ADGRV1: variants seen among roughly 807,000 people sequenced by gnomAD.
ADGRV1 encodes the protein adhesion G protein-coupled receptor V1.
ADGRV1 carries 359 observed loss-of-function variants against 596.2 expected under a neutral mutation model. The ratio of observed to expected loss-of-function variants is 0.60; its 90% CI spans 0.55 to 0.66. ADGRV1 has a LOEUF of 0.66. Ranked by LOEUF, ADGRV1 falls within the 30% of genes least tolerant of loss-of-function variation. The probability of loss-of-function intolerance (pLI) is 0.00; values close to 1 mark genes in which losing one functional copy is unlikely to be tolerated. For missense variants in ADGRV1, 7,274 were observed against 7,575.6 expected, an observed-to-expected ratio of 0.96 and a Z score of 1.48; for synonymous variants, 2,681 against 2,679.2, an observed-to-expected ratio of 1.00 and a Z score of -0.02.
chr5:91,006,350 A>G (rs942401435), intron 85 of ADGRV1, among the ~76,000 whole-genome samples: 31 of 152,208 alleles, frequency 2.0e-4, no homozygotes, highest in African/African-American at 7.5e-4. Context: ...AATTAGATAC[A>G]AAAATGAATA....
chr5:90,740,890 G>A (rs1753879087), intron 50 of ADGRV1, among the ~76,000 whole-genome samples: 2 of 152,314 alleles, frequency 1.3e-5, no homozygotes, highest in Non-Finnish European at 2.9e-5. Context: ...TAGTCAAAGA[G>A]AAACTGTTCC....
chr5:91,072,859 A>T (rs1428704565), intron 86 of ADGRV1, among the ~76,000 whole-genome samples: 1 of 152,184 alleles, frequency 6.6e-6, no homozygotes, highest in Non-Finnish European at 1.5e-5. Context: ...AATGAGTCGC[A>T]GCCTTGGGAG....
At chr5:90,907,665 G>T (rs554794979) in intron 83 of ADGRV1, among the ~76,000 whole-genome samples, 33 of 152,002 alleles carry the variant, frequency 2.2e-4, no homozygotes, top group South Asian at 4.2e-4. Context: ...AACCTCAAAT[G>T]GCTGGGCATT....
chr5:90,766,188 C>A (rs1258357552), intron 59 of ADGRV1, among the ~76,000 whole-genome samples: 4 of 152,096 alleles, frequency 2.6e-5, no homozygotes, highest in African/African-American at 9.7e-5. Context: ...GGATTACAGG[C>A]GTGAGCCACT....
intron 50 of ADGRV1, among the ~76,000 whole-genome samples, chr5:90,731,901 C>T (rs1339392383): frequency 3.9e-5 from 6 of 152,082 alleles, no homozygotes; most frequent in South Asian, 4.1e-4. Flanking sequence ...CTTTCTAAAA[C>T]GAACACTTTT....
At chr5:90,835,849 G>A (rs760418964) in intron 77 of ADGRV1, among the ~76,000 whole-genome samples, 5 of 152,190 alleles carry the variant, frequency 3.3e-5, no homozygotes, top group African/African-American at 4.8e-5. Flanking sequence ...CTGAAAGAAT[G>A]GCTAAAGAAA....
chr5:90,779,136 G>T, intron 64 of ADGRV1, 39 bp downstream of exon 64: 1 of 1,275,078 alleles, frequency 7.8e-7, no homozygotes, highest in East Asian at 2.4e-5. Flanking sequence ...AAAGCAAAGA[G>T]CAGAGAGAAA....
rs114201300 is a variant in ADGRV1 at position 91,011,417 on chromosome 5, C to T, written c.18152+25895C>T. ...GTTGTGTGTCTGTTTCTCTTTCTTC[C>T]AGAGTTATCAGTTTCCTTATTTAGT... On this transcript the variant is annotated intron_variant, in intron 85 of 89. Transcript: ENST00000405460. Among the ~76,000 whole-genome samples the T allele has an allele frequency of 5.3e-3, 801 of 151,926 alleles. 6 individuals carry two copies. The highest frequency in any genetic ancestry group is 0.018 in the African/African-American group (748 of 41,496).
At chr5:90,654,429 C>T (rs1440015229) in intron 20 of ADGRV1, 1 of 185,562 alleles carries the variant, frequency 5.4e-6, no homozygotes, top group Non-Finnish European at 1.1e-5. Context: ...AGAAGAATCA[C>T]AGTGAAAAGT....
At chr5:91,032,524 A>G (rs1469815064) in intron 85 of ADGRV1, among the ~76,000 whole-genome samples, 1 of 151,950 alleles carries the variant, frequency 6.6e-6, no homozygotes, top group African/African-American at 2.4e-5. Context: ...TTGTCTTCCT[A>G]CTTTCTATAG....
rs1337798741 is a variant in ADGRV1 at position 90,684,136 on chromosome 5, A to AATCTGTCTTT, written c.6219_6228dup (p.Glu2077CysfsTer28). On this transcript the variant is annotated frameshift_variant, in exon 28 of 90. Coordinates refer to ENST00000405460, the MANE Select transcript of ADGRV1 (RefSeq NM_032119.4). LOFTEE classifies it high-confidence loss of function. ...GATGATGATGAGCCAGAAAGGTCCGAATCTGTCTTTATCGAACTACTCAAC... is the reference window on the plus strand; with the variant it reads ...GATGATGATGAGCCAGAAAGGTCCGAATCTGTCTTTATCTGTCTTTATCGAACTACTCAAC... 1.9e-6 allele frequency: 3 copies of AATCTGTCTTT among 1,613,872 alleles called. No individual in the cohort carries two copies. The South Asian group carries it at 3.3e-5, about 18-fold the overall frequency.
chr5:90,723,529 A>C (rs1355221893), intron 45 of ADGRV1, among the ~76,000 whole-genome samples: 1 of 152,194 alleles, frequency 6.6e-6, no homozygotes, highest in African/African-American at 2.4e-5. Flanking sequence ...GTCATTGCTT[A>C]TTCTTCATTT....
chr5:90,678,135 C>G (rs572237000), intron 25 of ADGRV1, among the ~76,000 whole-genome samples: 2 of 152,146 alleles, frequency 1.3e-5, no homozygotes, highest in African/African-American at 4.8e-5. Flanking sequence ...ATTTCAGGTT[C>G]TGGGTGCCAT....
At chr5:90,746,340 T>C (rs574583985) in intron 52 of ADGRV1, among the ~76,000 whole-genome samples, 6 of 151,950 alleles carry the variant, frequency 3.9e-5, no homozygotes, top group Non-Finnish European at 8.8e-5. Context: ...CCTAAGTTAC[T>C]TCCGTGCCCA....
intron 68 of ADGRV1, among the ~76,000 whole-genome samples, chr5:90,788,863 GAC>G (rs70973708): frequency 0.28 from 41,734 of 146,624 alleles, 6,177 homozygotes; most frequent in Non-Finnish European, 0.36. Flanking sequence ...CACAGACACA[GAC>G]ACACACACAC....
intron 77 of ADGRV1, among the ~76,000 whole-genome samples, chr5:90,836,122 T>C (rs1228236129): frequency 2.6e-5 from 4 of 152,214 alleles, no homozygotes; most frequent in African/African-American, 7.2e-5. Flanking sequence ...GGATCACTTA[T>C]TCATTGCTGA....
At chr5:90,766,035 G>C (rs1021280005) in intron 59 of ADGRV1, among the ~76,000 whole-genome samples, 1 of 151,798 alleles carries the variant, frequency 6.6e-6, no homozygotes, top group Non-Finnish European at 1.5e-5. Context: ...TCAGCCTCCC[G>C]AGTAGCTGGG....
intron 84 of ADGRV1, among the ~76,000 whole-genome samples, chr5:90,975,346 A>C (rs1779463029): frequency 6.6e-6 from 1 of 152,228 alleles, no homozygotes; most frequent in African/African-American, 2.4e-5. Flanking sequence ...CCATCCCGTT[A>C]CTGGGTATAT....
chr5:90,674,173 A>G lies in ADGRV1; in HGVS notation c.5049A>G (p.Ala1683=), dbSNP rs1772900195. The G allele has an allele frequency of 1.9e-6, 3 of 1,613,348 alleles. No individual in the cohort carries two copies. Among genetic ancestry groups the G allele is most frequent in the Non-Finnish European group, 2.5e-6 (3 of 1,179,648 alleles). ...GKLGSTPTSG[A]SIDPEKETTD... ...TAGGCTCAACTCCTACCAGTGGTGC[A>G]AGCATAGATCCTGAAAAGGAAACGA... The change falls in exon 23 of 90, where the codon GCA becomes GCG. Residue 1683 remains alanine (A), a synonymous_variant. Coordinates refer to ENST00000405460, the MANE Select transcript of ADGRV1 (RefSeq NM_032119.4).
Sources: allele counts gnomAD v4.1 joint callset (sites outside exome capture counted in the v4.1 genomes callset), GRCh38; gene constraint gnomAD v4.1.1; transcripts MANE v1.5; gene names NCBI Gene and HGNC (gene_info 2026-07-23, HGNC 2026-07-21).